MACROD2: variants seen among roughly 807,000 people sequenced by gnomAD.
The protein encoded by MACROD2 is mono-ADP ribosylhydrolase 2, also known as ADP-ribose glycohydrolase MACROD2.
In MACROD2, 36 loss-of-function variants were observed where a neutral mutation model predicts 70.4. The observed-to-expected ratio is 0.51, with a 90% CI of 0.39 to 0.68. MACROD2 has a LOEUF of 0.68. MACROD2 is among the 30% of genes least tolerant of loss of function. MACROD2 has a pLI of 0.00. For missense variants in MACROD2, 496 were observed against 538.4 expected, an observed-to-expected ratio of 0.92 and a Z score of 0.78; for synonymous variants, 172 against 178.8, an observed-to-expected ratio of 0.96 and a Z score of 0.30.
chr20:14,583,334 C>T (rs1042892212), intron 4 of MACROD2, among the ~76,000 whole-genome samples: 8 of 152,122 alleles, frequency 5.3e-5, no homozygotes, highest in African/African-American at 1.7e-4. Flanking sequence ...CATCAGGGTC[C>T]AGAACCTTGA....
chr20:15,153,840 G>A (rs933368656), intron 5 of MACROD2, among the ~76,000 whole-genome samples: 1 of 152,154 alleles, frequency 6.6e-6, no homozygotes, highest in Non-Finnish European at 1.5e-5. Flanking sequence ...TTGCAAGAAT[G>A]TGTTCAGTTT....
rs1157335873 is a variant in MACROD2, at chr20:15,460,977, C to CAT, written c.571+29571_571+29572dup. 4.4e-3 allele frequency among the ~76,000 whole-genome samples: 310 copies of CAT among 69,752 alleles called. 8 individuals are homozygous for CAT. Among genetic ancestry groups the CAT allele is most frequent in the Middle Eastern group, 0.01 (1 of 98 alleles). The allele number at this position is 69,752 out of a possible 152,430, so 45.8% of individuals were successfully genotyped here. A position where few individuals can be genotyped will look rare whatever the true frequency, so the allele number is the denominator to read the frequency against. ...TTCCCTTTAATTATCTCTCTCTCTC[C>CAT]ATATATATATATATATATATATATA... On this transcript the variant is annotated intron_variant, in intron 7 of 17. Transcript: ENST00000684519.
chr20:14,680,262 G>A (rs1172799803), intron 4 of MACROD2, among the ~76,000 whole-genome samples: 77 of 152,286 alleles, frequency 5.1e-4, no homozygotes, highest in Non-Finnish European at 2.9e-5. Flanking sequence ...AGAAGCCTAG[G>A]AAGAAAATGA....
chr20:15,905,732 A>G (rs1172314649), intron 10 of MACROD2, among the ~76,000 whole-genome samples: 2 of 152,162 alleles, frequency 1.3e-5, no homozygotes, highest in Non-Finnish European at 2.9e-5. Flanking sequence ...TCAGTTTTCT[A>G]ATGTAACAAA....
intron 10 of MACROD2, among the ~76,000 whole-genome samples, chr20:15,894,962 G>C (rs1310955646): frequency 6.6e-6 from 1 of 152,078 alleles, no homozygotes; most frequent in Non-Finnish European, 1.5e-5. Flanking sequence ...GCCACACTTG[G>C]GTAATGAGCT....
rs545018256 is a variant in MACROD2, at chr20:15,018,539, C to T, written c.419-211401C>T. Among the ~76,000 whole-genome samples, 82 of 152,130 alleles carry T rather than the reference C, an allele frequency of 5.4e-4. 1 individual carries two copies. Among genetic ancestry groups the T allele is most frequent in the Middle Eastern group, 3.4e-3 (1 of 294 alleles). Reference sequence around the variant, plus strand: ...ATCTTTTCAGCAGCACCCCACTGTACGGGTACCAATTTACTGGATTAGTCA... The same window carrying T: ...ATCTTTTCAGCAGCACCCCACTGTATGGGTACCAATTTACTGGATTAGTCA... On this transcript the variant is annotated intron_variant, in intron 5 of 17. Transcript: ENST00000684519.
chr20:15,042,828 G>A (rs1304205666), intron 5 of MACROD2, among the ~76,000 whole-genome samples: 1 of 152,158 alleles, frequency 6.6e-6, no homozygotes, highest in Non-Finnish European at 1.5e-5. Flanking sequence ...CAAATTTAGA[G>A]CCAAATCTTA....
intron 8 of MACROD2, among the ~76,000 whole-genome samples, chr20:15,590,426 G>A (rs1224668819): frequency 3.9e-5 from 6 of 152,270 alleles, no homozygotes; most frequent in African/African-American, 1.2e-4. Flanking sequence ...TACTTAGAGC[G>A]ATTTCTATAC....
intron 10 of MACROD2, among the ~76,000 whole-genome samples, chr20:15,894,265 C>T (rs955591491): frequency 6.6e-6 from 1 of 152,096 alleles, no homozygotes; most frequent in Non-Finnish European, 1.5e-5. Context: ...CAGAACCAAT[C>T]GAGAAGCCAA....
intron 10 of MACROD2, among the ~76,000 whole-genome samples, chr20:15,896,912 G>T (rs1389323248): frequency 6.6e-6 from 1 of 152,124 alleles, no homozygotes; most frequent in African/African-American, 2.4e-5. Flanking sequence ...AATGCCATCT[G>T]TGAACCAGCA....
chr20:15,216,358 T>A (rs1030069745), intron 5 of MACROD2, among the ~76,000 whole-genome samples: 1 of 151,828 alleles, frequency 6.6e-6, no homozygotes, highest in East Asian at 1.9e-4. Context: ...AATTAAAAAA[T>A]TTAAAAACTG....
chr20:16,045,882 T>G (rs1195653328), intron 17 of MACROD2, among the ~76,000 whole-genome samples: 1 of 152,020 alleles, frequency 6.6e-6, no homozygotes, highest in East Asian at 1.9e-4. Context: ...GCTACCTGAG[T>G]GGTCTATAAT....
intron 8 of MACROD2, among the ~76,000 whole-genome samples, chr20:15,594,546 C>A (rs1052315532): frequency 6.6e-6 from 1 of 152,212 alleles, no homozygotes; most frequent in East Asian, 1.9e-4. Flanking sequence ...TCCATGGCCC[C>A]CATCACCACA....
At chr20:14,144,150 A>T (rs1247464612) in intron 3 of MACROD2, among the ~76,000 whole-genome samples, 1 of 152,104 alleles carries the variant, frequency 6.6e-6, no homozygotes, top group African/African-American at 2.4e-5. Flanking sequence ...TGCTCTTGGA[A>T]ATTTGAGTGT....
chr20:15,795,616 T>C (rs2063665873), intron 8 of MACROD2, among the ~76,000 whole-genome samples: 1 of 152,210 alleles, frequency 6.6e-6, no homozygotes, highest in Non-Finnish European at 1.5e-5. Context: ...AAGACCATTA[T>C]TCTCTAAATT....
intron 5 of MACROD2, among the ~76,000 whole-genome samples, chr20:15,004,741 G>A (rs937694518): frequency 2.0e-5 from 3 of 152,078 alleles, no homozygotes; most frequent in Admixed American, 6.5e-5. Flanking sequence ...GAAACTATGT[G>A]CTCTAGAAAA....
chr20:14,909,569 T>C (rs1009854415), intron 5 of MACROD2, among the ~76,000 whole-genome samples: 1 of 151,910 alleles, frequency 6.6e-6, no homozygotes, highest in Non-Finnish European at 1.5e-5. Flanking sequence ...GGGAACGAGA[T>C]AACCTATATA....
intron 8 of MACROD2, among the ~76,000 whole-genome samples, chr20:15,680,145 A>G (rs983634147): frequency 6.6e-6 from 1 of 152,170 alleles, no homozygotes. Context: ...CTCATAAAAA[A>G]AGTGCATGAG....
chr20:15,680,412 A>G (rs550360907), intron 8 of MACROD2, among the ~76,000 whole-genome samples: 1 of 152,312 alleles, frequency 6.6e-6, no homozygotes, highest in East Asian at 1.9e-4. Flanking sequence ...GAAACTATGA[A>G]GTCCCTTTCC....
Sources: allele counts gnomAD v4.1 joint callset (sites outside exome capture counted in the v4.1 genomes callset), GRCh38; gene constraint gnomAD v4.1.1; transcripts MANE v1.5; gene names NCBI Gene and HGNC (gene_info 2026-07-23, HGNC 2026-07-21).